Variants in ANKRD36 observed in about 807,000 individuals in gnomAD.
ANKRD36 encodes the protein ankyrin repeat domain-containing protein 36A.
Under a neutral mutation model 278.1 loss-of-function variants are expected in ANKRD36, and 179 were observed. The observed-to-expected ratio is 0.64, with a 90% CI of 0.57 to 0.73. The LOEUF (loss-of-function observed/expected upper bound fraction) is 0.73, where lower values mean the gene tolerates loss of function less well. ANKRD36 is among the 30% of genes least tolerant of loss of function. The pLI, the probability that ANKRD36 is intolerant of heterozygous loss-of-function variation, is 0.00. For missense variants in ANKRD36, 1,159 were observed against 1,956.7 expected (o/e 0.59, Z 7.69); for synonymous variants, 320 against 641.1 (o/e 0.50, Z 7.57).
At chr2:97,202,619 A>G (rs938766037) in intron 48 of ANKRD36, among the ~76,000 whole-genome samples, 1 of 151,846 alleles carries the variant, frequency 6.6e-6, no homozygotes, top group African/African-American at 2.4e-5. Flanking sequence ...GGAAGAATAT[A>G]CATGGAGAGC....
At chr2:97,240,945 G>A (rs2074212653) in intron 68 of ANKRD36, among the ~76,000 whole-genome samples, 1 of 110,258 alleles carries the variant, frequency 9.1e-6, no homozygotes, top group Non-Finnish European at 1.7e-5. Context: ...CCTGGGTGAA[G>A]TATAGATCAA....
At chr2:97,202,263 T>A (rs2061585280) in intron 47 of ANKRD36, 33 bp downstream of exon 47, 1 of 1,607,040 alleles carries the variant, frequency 6.2e-7, no homozygotes, top group Admixed American at 1.7e-5. Flanking sequence ...TGTGAACGAG[T>A]TAATGTATGG....
intron 48 of ANKRD36, among the ~76,000 whole-genome samples, chr2:97,202,655 G>A (rs1339388054): frequency 8.6e-5 from 13 of 151,818 alleles, no homozygotes; most frequent in Non-Finnish European, 1.3e-4. Context: ...GGGCTCTGGG[G>A]AACAGCATAG....
At chr2:97,248,385 G>A (rs1260920909) in intron 72 of ANKRD36, 3 of 114,066 alleles carry the variant, frequency 2.6e-5, no homozygotes, top group Non-Finnish European at 4.6e-5. Flanking sequence ...CCTTTGGCAT[G>A]TTTAATGGAC....
rs1415925910 is a variant in ANKRD36, at chr2:97,206,478, G to T, written c.3163+343G>T. ...AAAGAGAGGAAGTATCGATTTTACA[G>T]ATGTCACATCATACTGCTAAAAACA... On this transcript the variant is annotated intron_variant, in intron 52 of 75. Coordinates refer to ENST00000420699, the MANE Select transcript of ANKRD36 (RefSeq NM_001354587.1). 1.3e-5 allele frequency among the ~76,000 whole-genome samples: 2 copies of T among 151,466 alleles called. 1 individual carries two copies. Among genetic ancestry groups the T allele is most frequent in the Middle Eastern group, 6.3e-3 (2 of 316 alleles).
At chr2:97,130,623 T>G (rs2039899752) in intron 6 of ANKRD36, among the ~76,000 whole-genome samples, 1 of 134,292 alleles carries the variant, frequency 7.4e-6, no homozygotes. Context: ...TACGAGCAGT[T>G]TGGAGAAGCT....
At chr2:97,227,530 G>A (rs1207156189) in intron 67 of ANKRD36, among the ~76,000 whole-genome samples, 1 of 152,114 alleles carries the variant, frequency 6.6e-6, no homozygotes, top group East Asian at 2.0e-4. Context: ...TTTGGGCTGA[G>A]ACAATGGGGT....
At chr2:97,219,114 C>G in intron 65 of ANKRD36, 36 bp downstream of exon 65, 2 of 1,543,914 alleles carry the variant, frequency 1.3e-6, no homozygotes, top group East Asian at 2.5e-5. Flanking sequence ...TAATTATTAA[C>G]TGCATAACCT....
chr2:97,117,033 T>C (rs1321017876), intron 1 of ANKRD36, among the ~76,000 whole-genome samples: 1 of 145,254 alleles, frequency 6.9e-6, no homozygotes, highest in East Asian at 2.0e-4. Flanking sequence ...TAATCCCAGT[T>C]GGATCTTTTA....
chr2:97,196,816 T>C lies in ANKRD36; in HGVS notation c.2653+28T>C, dbSNP rs1279569442. On this transcript the variant is annotated intron_variant, in intron 42 of 75. Transcript: ENST00000420699. The stretch of plus-strand genomic sequence containing the variant: ...AATTCTGAAAACAGATTTAATGTCA[T>C]GTTCAGTCCAGATAGATAAGAAGTT... 30 of 1,544,208 alleles carry C rather than the reference T, an allele frequency of 1.9e-5. No individual in the cohort carries two copies. In the African/African-American group the frequency reaches 2.3e-4, roughly 12 times the overall value.
chr2:97,174,433 A>G (rs1224865816), intron 22 of ANKRD36, among the ~76,000 whole-genome samples: 1 of 151,586 alleles, frequency 6.6e-6, no homozygotes, highest in East Asian at 1.9e-4. Context: ...CTTTGTTACC[A>G]TTGGGCACCA....
At chr2:97,164,877 C>T (rs202058986) in intron 20 of ANKRD36, among the ~76,000 whole-genome samples, 2 of 151,886 alleles carry the variant, frequency 1.3e-5, no homozygotes, top group Admixed American at 6.6e-5. Context: ...TTTATTTCAG[C>T]GTTGTTACAT....
intron 28 of ANKRD36, among the ~76,000 whole-genome samples, chr2:97,184,253 C>T (rs1460643027): frequency 1.3e-5 from 2 of 151,642 alleles, no homozygotes; most frequent in African/African-American, 2.4e-5. Context: ...CTGACTGCTC[C>T]GATGACTACT....
At position 97,125,866 on chromosome 2, in the gene ANKRD36, TATC is replaced by T. The variant is rs1343613938; in HGVS notation, c.732-1199_732-1197del. Among the ~76,000 whole-genome samples the T allele has an allele frequency of 1.2e-4, 18 of 152,042 alleles. No individual in the cohort carries two copies. The South Asian group carries it at 2.1e-3, about 18-fold the overall frequency. On this transcript the variant is annotated intron_variant, in intron 5 of 75. Transcript: ENST00000420699. ...ACAGAGCTAACCCTCATCTATGACTTATCAGCAGTTATATGTAAAAGTAAGGCT... is the reference window on the plus strand; with the variant it reads ...ACAGAGCTAACCCTCATCTATGACTTAGCAGTTATATGTAAAAGTAAGGCT...
rs534494159 is a variant in ANKRD36, at chr2:97,196,724, T to G, written c.2589T>G (p.Ser863Arg). The G allele has an allele frequency of 4.2e-5, 65 of 1,561,488 alleles. No individual in the cohort carries two copies. The Middle Eastern group carries it at 5.0e-4, about 12-fold the overall frequency. ...SQKPPTLKGT[S>R]DEEDSVLGIA... The stretch of plus-strand genomic sequence containing the variant: ...TTTCAAATTCCATTCAGGGTACAAG[T>G]GACGAGGAAGATTCTGTTTTGGGTA... The change falls in exon 42 of 76, where the codon AGT (serine) becomes AGG (arginine). Residue 863 changes from serine to arginine, a missense_variant. Physicochemically the swap from Ser to Arg is moderately radical, Grantham distance 110. Coordinates refer to ENST00000420699, the MANE Select transcript of ANKRD36 (RefSeq NM_001354587.1).
intron 50 of ANKRD36, 61 bp from the exon 51 acceptor site, chr2:97,205,879 A>T (rs1302120640): frequency 1.3e-6 from 2 of 1,499,572 alleles, no homozygotes; most frequent in Non-Finnish European, 1.8e-6. Flanking sequence ...CTCTGCTTGA[A>T]TGTATGGATA....
At chr2:97,166,855 A>G (rs1309764559) in intron 20 of ANKRD36, among the ~76,000 whole-genome samples, 1 of 151,906 alleles carries the variant, frequency 6.6e-6, no homozygotes, top group Non-Finnish European at 1.5e-5. Flanking sequence ...CAAGAAATAT[A>G]TTTCTTAAGT....
intron 22 of ANKRD36, among the ~76,000 whole-genome samples, chr2:97,175,003 T>G (rs536744207): frequency 0.011 from 1,654 of 144,170 alleles, 143 homozygotes; most frequent in Admixed American, 0.1. Flanking sequence ...ATAAGCTTTT[T>G]GATGTGCTGC....
intron 75 of ANKRD36, among the ~76,000 whole-genome samples, chr2:97,250,477 C>G (rs1188897595): frequency 8.1e-6 from 1 of 124,164 alleles, no homozygotes; most frequent in Non-Finnish European, 1.5e-5. Flanking sequence ...CACACTGAAA[C>G]TGTTCTCACA....
Sources: gnomAD v4.1 joint callset for allele counts (sites outside exome capture counted in the v4.1 genomes callset) on GRCh38, gnomAD v4.1.1 for gene constraint, MANE v1.5 for transcripts, NCBI Gene and HGNC (gene_info 2026-07-23, HGNC 2026-07-21) for gene names.